NEK10: variants seen among roughly 807,000 people sequenced by gnomAD.
NEK10 encodes NIMA related kinase 10, also known as serine/threonine-protein kinase Nek10.
A neutral mutation model predicts 159.8 loss-of-function variants in NEK10; 122 were observed. The ratio of observed to expected loss-of-function variants is 0.76; its 90% confidence interval spans 0.66 to 0.89. NEK10 has a LOEUF of 0.89. Among genes scored for constraint, NEK10 ranks in the 40% least tolerant of loss-of-function variants. The pLI, the probability that NEK10 is intolerant of heterozygous loss-of-function variation, is 0.00. For missense variants in NEK10, 1,342 were observed against 1,323.1 expected (o/e 1.01, Z -0.22); for synonymous variants, 466 against 457.1 (o/e 1.02, Z -0.25).
intron 26 of NEK10, among the ~76,000 whole-genome samples, chr3:27,184,149 T>C (rs1340578517): frequency 1.3e-5 from 2 of 152,274 alleles, no homozygotes; most frequent in Admixed American, 1.3e-4. Context: ...TTTTCAACAG[T>C]GTTAAGAAAT....
intron 31 of NEK10, among the ~76,000 whole-genome samples, chr3:27,137,490 G>A (rs777611421): frequency 3.4e-4 from 51 of 152,094 alleles, no homozygotes; most frequent in Non-Finnish European, 6.2e-4. Flanking sequence ...AGCTATTTCC[G>A]TAACACTAAA....
At chr3:27,121,752 T>C (rs1941344832) in intron 32 of NEK10, among the ~76,000 whole-genome samples, 1 of 152,150 alleles carries the variant, frequency 6.6e-6, no homozygotes, top group Non-Finnish European at 1.5e-5. Flanking sequence ...CAGACAAAAC[T>C]AACCAAGGGT....
intron 11 of NEK10, among the ~76,000 whole-genome samples, chr3:27,307,109 G>A (rs1203805156): frequency 6.6e-6 from 1 of 152,052 alleles, no homozygotes; most frequent in Non-Finnish European, 1.5e-5. Flanking sequence ...TTCATCTTTG[G>A]TTTTCAACAC....
intron 32 of NEK10, among the ~76,000 whole-genome samples, chr3:27,131,609 T>C (rs982587799): frequency 3.9e-5 from 6 of 152,186 alleles, no homozygotes; most frequent in Non-Finnish European, 7.3e-5. Context: ...TAGAAGAGGC[T>C]AAAATATACA....
chr3:27,288,378 T>G (rs2042766658), intron 19 of NEK10, among the ~76,000 whole-genome samples: 1 of 152,212 alleles, frequency 6.6e-6, no homozygotes, highest in Admixed American at 6.5e-5. Flanking sequence ...TTTAGCAACT[T>G]ATATCCTGCT....
chr3:27,239,559 A>G (rs1427261394), intron 23 of NEK10, among the ~76,000 whole-genome samples: 3 of 152,182 alleles, frequency 2.0e-5, no homozygotes, highest in African/African-American at 7.2e-5. Flanking sequence ...GTAAGTTAAA[A>G]ATGCAGCACT....
chr3:27,344,354 C>T lies in NEK10; in HGVS notation c.280G>A (p.Glu94Lys). The change falls in exon 5 of 36, where the codon GAG (glutamate) becomes AAG (lysine). Residue 94 changes from glutamate to lysine, a missense_variant. Physicochemically the swap from Glu to Lys is moderately conservative, Grantham distance 56 (BLOSUM62 1). Transcript: ENST00000691995. ...TGAGGATGTTTGCTGAAATTTCTCT[C>T]ATTCTTGTAGTTTATACTGAGACAA... The part of the protein sequence containing the change: ...LENFSINYKN[E>K]RNFSKHPQRK... 6.4e-7 allele frequency: 1 copy of T among 1,574,644 alleles called. No homozygotes were observed. Among genetic ancestry groups the T allele is most frequent in the Non-Finnish European group, 8.7e-7 (1 of 1,149,780 alleles).
chr3:27,183,769 A>C (rs1434638681), intron 26 of NEK10, among the ~76,000 whole-genome samples: 1 of 152,162 alleles, frequency 6.6e-6, no homozygotes, highest in African/African-American at 2.4e-5. Context: ...TCACAGGCGA[A>C]AGATTTGAAC....
intron 5 of NEK10, among the ~76,000 whole-genome samples, chr3:27,330,056 G>T (rs1319432705): frequency 6.6e-6 from 1 of 151,998 alleles, no homozygotes; most frequent in Non-Finnish European, 1.5e-5. Context: ...TTTTATTGTT[G>T]TGTTTTTTAT....
intron 5 of NEK10, among the ~76,000 whole-genome samples, chr3:27,329,845 G>A (rs1374282414): frequency 1.5e-4 from 23 of 152,020 alleles, no homozygotes; most frequent in Non-Finnish European, 8.8e-5. Context: ...TGAGGCTTAA[G>A]AAGGTTTTCT....
At chr3:27,324,129 A>G (rs1480246035) in intron 5 of NEK10, among the ~76,000 whole-genome samples, 6 of 152,322 alleles carry the variant, frequency 3.9e-5, no homozygotes, top group South Asian at 2.1e-4. Flanking sequence ...GGTGACACCC[A>G]CATCCCTTCC....
At chr3:27,367,991 C>T (rs898920734) in intron 1 of NEK10, among the ~76,000 whole-genome samples, 1 of 152,056 alleles carries the variant, frequency 6.6e-6, no homozygotes, top group African/African-American at 2.4e-5. Flanking sequence ...CCCTTATGTG[C>T]GTTTTAAAAA....
At chr3:27,169,618 C>G (rs981836098) in intron 29 of NEK10, among the ~76,000 whole-genome samples, 1 of 152,338 alleles carries the variant, frequency 6.6e-6, no homozygotes, top group African/African-American at 2.4e-5. Flanking sequence ...GCATCTTTGA[C>G]TAAACAAGAA....
chr3:27,253,493 A>C (rs1955872252), intron 23 of NEK10, among the ~76,000 whole-genome samples: 1 of 152,236 alleles, frequency 6.6e-6, no homozygotes, highest in African/African-American at 2.4e-5. Context: ...CATCAGATGA[A>C]TGAAAAGAAC....
intron 3 of NEK10, 104 bp downstream of exon 3, chr3:27,352,361 G>A: frequency 1.3e-6 from 1 of 764,496 alleles, no homozygotes; most frequent in Non-Finnish European, 2.3e-6. Context: ...TGAATAATGA[G>A]CAAAGAAAAG....
At chr3:27,343,325 C>G (rs899514789) in intron 5 of NEK10, among the ~76,000 whole-genome samples, 2 of 152,154 alleles carry the variant, frequency 1.3e-5, no homozygotes, top group Admixed American at 1.3e-4. Flanking sequence ...GAATGCTGTT[C>G]TACTTAAAAT....
At chr3:27,350,535 AC>A (rs1391595179) in intron 3 of NEK10, among the ~76,000 whole-genome samples, 1 of 152,158 alleles carries the variant, frequency 6.6e-6, no homozygotes, top group Non-Finnish European at 1.5e-5. Context: ...AATTTTGTAA[AC>A]CTAAGGATCT....
intron 29 of NEK10, 36 bp downstream of exon 29, chr3:27,171,783 T>C: frequency 1.2e-6 from 2 of 1,609,376 alleles, no homozygotes; most frequent in Non-Finnish European, 1.7e-6. Context: ...CTCTGCAAAA[T>C]CAAAAAATAT....
chr3:27,161,624 A>C (rs1559533459), intron 30 of NEK10, among the ~76,000 whole-genome samples: 1 of 152,236 alleles, frequency 6.6e-6, no homozygotes, highest in African/African-American at 2.4e-5. Flanking sequence ...TTTAGCTAAT[A>C]ATTTAAATGT....
Sources: allele counts gnomAD v4.1 joint callset (sites outside exome capture counted in the v4.1 genomes callset), GRCh38; gene constraint gnomAD v4.1.1; transcripts MANE v1.5; gene names NCBI Gene and HGNC (gene_info 2026-07-23, HGNC 2026-07-21).